Variants in BTAF1 observed in about 807,000 individuals in gnomAD.
BTAF1 encodes the protein B-TFIID TATA-box binding protein associated factor 1, also known as TATA-binding protein-associated factor 172.
A neutral mutation model predicts 227.1 loss-of-function variants in BTAF1; 38 were observed. That is an observed-to-expected ratio of 0.17 (90% CI 0.13 to 0.22). BTAF1 has a LOEUF of 0.22. BTAF1 is among the 10% of genes least tolerant of loss of function. The probability of loss-of-function intolerance (pLI) is 1.00; values close to 1 mark genes in which losing one functional copy is unlikely to be tolerated. For missense variants in BTAF1, 1,598 were observed against 2,204.0 expected (o/e 0.73, Z 5.51); for synonymous variants, 742 against 751.9 (o/e 0.99, Z 0.21).
At chr10:91,945,333 C>T (rs1564662310) in intron 4 of BTAF1, among the ~76,000 whole-genome samples, 2 of 151,930 alleles carry the variant, frequency 1.3e-5, no homozygotes, top group Admixed American at 6.5e-5. Context: ...CATCCTTAAC[C>T]GTTTTTAAAA....
chr10:91,992,963 T>C (rs1190451216), intron 21 of BTAF1, among the ~76,000 whole-genome samples: 1 of 152,222 alleles, frequency 6.6e-6, no homozygotes, highest in African/African-American at 2.4e-5. Context: ...ATGCAAGGCA[T>C]AGGAATGTAC....
intron 6 of BTAF1, among the ~76,000 whole-genome samples, chr10:91,956,326 T>C (rs550356022): frequency 6.6e-6 from 1 of 152,220 alleles, no homozygotes; most frequent in South Asian, 2.1e-4. Context: ...GAATATATTT[T>C]GCTCAAAAAA....
At chr10:91,926,272 A>G (rs1843822297) in intron 1 of BTAF1, among the ~76,000 whole-genome samples, 1 of 152,182 alleles carries the variant, frequency 6.6e-6, no homozygotes, top group South Asian at 2.1e-4. Context: ...CAAATCTAAA[A>G]TATTTTTTGC....
chr10:91,991,929 G>A (rs1249104019), intron 20 of BTAF1, among the ~76,000 whole-genome samples, 190 bp from the exon 21 acceptor site: 4 of 151,524 alleles, frequency 2.6e-5, no homozygotes, highest in Non-Finnish European at 5.9e-5. Flanking sequence ...AACCTGGATT[G>A]TATTAGGTAT....
chr10:91,962,398 C>G (rs1846590329), intron 11 of BTAF1, 140 bp from the exon 12 acceptor site: 1 of 567,116 alleles, frequency 1.8e-6, no homozygotes, highest in South Asian at 2.9e-5. Context: ...ATGTATTTCT[C>G]AGAATGTATC....
At chr10:91,935,501 CTG>C (rs1844548424) in intron 1 of BTAF1, among the ~76,000 whole-genome samples, 154 bp from the exon 2 acceptor site, 2 of 152,142 alleles carry the variant, frequency 1.3e-5, no homozygotes, top group Admixed American at 6.5e-5. Flanking sequence ...ATTTATCTTT[CTG>C]TGTCTGGCTT....
At position 92,028,779 on chromosome 10, in the gene BTAF1, T is replaced by C. The variant is rs566755374; in HGVS notation, c.5407-11T>C. The C allele has an allele frequency of 7.5e-5, 117 of 1,554,170 alleles. No individual in the cohort carries two copies. The highest frequency in any genetic ancestry group is 9.9e-5 in the Non-Finnish European group (115 of 1,156,922). On this transcript the variant is annotated splice_polypyrimidine_tract_variant and intron_variant, in intron 37 of 37. Transcript: ENST00000265990. ...ATTTTATTTTTTTTTTTTTTGCCAA[T>C]TTTTCTTAAGGATGGCAAAGCAGAA...
chr10:92,020,241 C>T (rs1302662727), intron 34 of BTAF1, among the ~76,000 whole-genome samples: 1 of 151,938 alleles, frequency 6.6e-6, no homozygotes, highest in East Asian at 1.9e-4. Context: ...GTTTATAATT[C>T]ATGTCGATGT....
At chr10:92,022,457 T>A (rs1851206990) in intron 34 of BTAF1, among the ~76,000 whole-genome samples, 1 of 152,146 alleles carries the variant, frequency 6.6e-6, no homozygotes, top group Non-Finnish European at 1.5e-5. Context: ...GGTCTTACCC[T>A]GTCACTCAGG....
chr10:92,016,482 A>G lies in BTAF1; in HGVS notation c.4710+17A>G, dbSNP rs764110818. 1.4e-6 allele frequency: 2 copies of G among 1,480,762 alleles called. No homozygotes were observed. The highest frequency in any genetic ancestry group is 1.8e-6 in the Non-Finnish European group (2 of 1,118,556). The allele number at this position is 1,480,762 out of a possible 1,614,324, so 91.7% of individuals were successfully genotyped here. A position where few individuals can be genotyped will look rare whatever the true frequency, so the allele number is the denominator to read the frequency against. ...GTATTCCAGGTATAGATTACATTCTACTTTTTTTTTTTTTGAGATGGAATT... is the reference window on the plus strand; with the variant it reads ...GTATTCCAGGTATAGATTACATTCTGCTTTTTTTTTTTTTGAGATGGAATT... On this transcript the variant is annotated intron_variant, in intron 33 of 37. Coordinates refer to ENST00000265990, the MANE Select transcript of BTAF1 (RefSeq NM_003972.3).
intron 35 of BTAF1, 95 bp from the exon 36 acceptor site, chr10:92,026,497 A>G (rs1851526565): frequency 9.7e-7 from 1 of 1,029,616 alleles, no homozygotes; most frequent in East Asian, 2.6e-5. Flanking sequence ...GGATTTTTAA[A>G]GCAGCATTTT....
chr10:92,016,565 G>A, intron 33 of BTAF1, 100 bp downstream of exon 33: 2 of 1,015,788 alleles, frequency 2.0e-6, no homozygotes, highest in Non-Finnish European at 2.7e-6. Context: ...TGCAACCTCT[G>A]CCTCCTGGGT....
At chr10:91,958,870 A>G (rs908016786) in intron 8 of BTAF1, among the ~76,000 whole-genome samples, 195 bp from the exon 9 acceptor site, 15 of 152,234 alleles carry the variant, frequency 9.9e-5, no homozygotes, top group Non-Finnish European at 1.6e-4. Context: ...AAAAAATTCC[A>G]TATAACCAAA....
chr10:91,987,304 A>G (rs1848468989), intron 19 of BTAF1, among the ~76,000 whole-genome samples: 1 of 151,988 alleles, frequency 6.6e-6, no homozygotes, highest in African/African-American at 2.4e-5. Flanking sequence ...TAACATGGTG[A>G]AACCCCATCT....
At position 91,947,735 on chromosome 10, in the gene BTAF1, C is replaced by CAAAAAAAAAA. The variant is rs34292341; in HGVS notation, c.401-3655_401-3646dup. Among the ~76,000 whole-genome samples the CAAAAAAAAAA allele has an allele frequency of 1.9e-5, 2 of 107,388 alleles. 1 individual carries two copies. The allele number at this position is 107,388 out of a possible 152,430, so 70.5% of individuals were successfully genotyped here. Reference sequence around the variant, plus strand: ...TTTAGGACCAGTCTGTCAATGTTTGCAAAAAAAAAAAAAAAAAAAAAAGCC... The same window carrying CAAAAAAAAAA: ...TTTAGGACCAGTCTGTCAATGTTTGCAAAAAAAAAAAAAAAAAAAAAAAAAAAAAAAAGCC... On this transcript the variant is annotated intron_variant, in intron 4 of 37. Transcript: ENST00000265990.
chr10:91,957,156 TAA>T lies in BTAF1; in HGVS notation c.832-68_832-67del, dbSNP rs1327884827. ...TACTAGACCTAGAAATAAAATTTAT[TAA>T]GTTACTTAAATTGTTAGCATAAAAT... On this transcript the variant is annotated intron_variant, in intron 7 of 37. Coordinates refer to ENST00000265990, the MANE Select transcript of BTAF1 (RefSeq NM_003972.3). 56 of 1,293,440 alleles carry T rather than the reference TAA, an allele frequency of 4.3e-5. No homozygotes were observed. The East Asian group carries it at 1.3e-3, about 30-fold the overall frequency. 80.1% of individuals were successfully genotyped at this position (1,293,440 alleles called of 1,614,324 possible).
At chr10:92,018,992 G>T in intron 34 of BTAF1, 57 bp downstream of exon 34, 12 of 1,370,320 alleles carry the variant, frequency 8.8e-6, no homozygotes, top group South Asian at 8.6e-5. Flanking sequence ...ATAAATTCTT[G>T]GTAAATTTGC....
At chr10:91,931,401 A>G (rs1425769129) in intron 1 of BTAF1, among the ~76,000 whole-genome samples, 1 of 152,202 alleles carries the variant, frequency 6.6e-6, no homozygotes, top group East Asian at 1.9e-4. Flanking sequence ...CCTTCCATGC[A>G]ACTTGACATC....
At chr10:92,013,100 G>T (rs1007218654) in intron 30 of BTAF1, among the ~76,000 whole-genome samples, 1 of 152,192 alleles carries the variant, frequency 6.6e-6, no homozygotes, top group African/African-American at 2.4e-5. Context: ...TCTTAAAGGG[G>T]AAGGTGGGTA....
Sources: allele counts gnomAD v4.1 joint callset (sites outside exome capture counted in the v4.1 genomes callset), GRCh38; gene constraint gnomAD v4.1.1; transcripts MANE v1.5; gene names NCBI Gene and HGNC (gene_info 2026-07-23, HGNC 2026-07-21).